ACOT12: variants seen among roughly 807,000 people sequenced by gnomAD.
ACOT12 encodes the protein acyl-CoA thioesterase 12, also known as acetyl-coenzyme A thioesterase.
A neutral mutation model predicts 67.7 loss-of-function variants in ACOT12; 51 were observed. The observed-to-expected ratio is 0.75, with a 90% CI of 0.60 to 0.95. ACOT12 has a LOEUF of 0.95. Among genes scored for constraint, ACOT12 ranks in the 40% least tolerant of loss-of-function variants. The pLI, the probability that ACOT12 is intolerant of heterozygous loss-of-function variation, is 0.00. For synonymous variants in ACOT12, 251 were observed against 244.6 expected (o/e 1.03, Z -0.24); for missense variants, 734 against 708.1 (o/e 1.04, Z -0.41).
At chr5:81,357,635 T>C (rs765811790) in intron 5 of ACOT12, among the ~76,000 whole-genome samples, 2 of 152,160 alleles carry the variant, frequency 1.3e-5, no homozygotes, top group Non-Finnish European at 2.9e-5. Flanking sequence ...TGAGATGTGA[T>C]TCAGACGAGG....
At chr5:81,330,973 A>G in intron 13 of ACOT12, 33 bp from the exon 14 acceptor site, 1 of 1,553,358 alleles carries the variant, frequency 6.4e-7, no homozygotes, top group Non-Finnish European at 8.7e-7. Flanking sequence ...CTCTTGTGAG[A>G]AATAAAGAAT....
chr5:81,378,054 CT>C (rs2153857653), intron 2 of ACOT12, among the ~76,000 whole-genome samples: 1 of 152,202 alleles, frequency 6.6e-6, no homozygotes, highest in East Asian at 1.9e-4. Context: ...AAGAATAAAG[CT>C]GGAGGCATCA....
intron 1 of ACOT12, among the ~76,000 whole-genome samples, chr5:81,387,247 T>C (rs928517959): frequency 1.6e-4 from 24 of 151,928 alleles, no homozygotes; most frequent in Non-Finnish European, 2.5e-4. Flanking sequence ...CCTCGTGATC[T>C]GCCTGCCTCA....
chr5:81,337,128 G>A (rs1431920965), intron 11 of ACOT12, among the ~76,000 whole-genome samples: 1 of 152,174 alleles, frequency 6.6e-6, no homozygotes, highest in Non-Finnish European at 1.5e-5. Flanking sequence ...GGAGTTGAAG[G>A]AGTTTCATTG....
At position 81,330,455 on chromosome 5, in the gene ACOT12, G is replaced by A. The variant is rs142957507; in HGVS notation, c.1607C>T (p.Ala536Val). The change falls in exon 15 of 15, where the codon GCA becomes GTA. Residue 536 changes from alanine (A) to valine (V), a missense_variant. Coordinates refer to ENST00000307624, the MANE Select transcript of ACOT12 (RefSeq NM_130767.3). ...CTCTAAGAACTGTATACAAGAGGCT[G>A]CTGTTTCTTCAATGGATTTTGACCA... is the stretch of plus-strand genomic sequence containing the variant. ...GGWSKSIEET[A>V]ASCIQFLENP... 4.5e-5 allele frequency: 72 copies of A among 1,614,126 alleles called. No individual in the cohort carries two copies. Among genetic ancestry groups the A allele is most frequent in the Non-Finnish European group, 2.5e-6 (3 of 1,179,994 alleles).
chr5:81,354,229 T>A (rs6881492), intron 5 of ACOT12, among the ~76,000 whole-genome samples: 62,589 of 152,036 alleles, frequency 0.41, 13,109 homozygotes, highest in Non-Finnish European at 0.43. Flanking sequence ...AAATTGAACT[T>A]TGAACTAGAC....
chr5:81,323,839 T>C, the ACOT12 span, among the ~76,000 whole-genome samples: 1 of 144,000 alleles, frequency 6.9e-6, no homozygotes, highest in East Asian at 1.9e-4. Context: ...TATATATGTA[T>C]ATGTATATGT....
the ACOT12 span, chr5:81,311,128 C>T: frequency 7.3e-7 from 1 of 1,373,894 alleles, no homozygotes; most frequent in Non-Finnish European, 1.0e-6. Context: ...TGTGAGGATC[C>T]AGTAAGATGT....
At position 81,344,212 on chromosome 5, in the gene ACOT12, C is replaced by A. The variant is rs780347487; in HGVS notation, c.928G>T (p.Asp310Tyr). 1 of 1,612,664 alleles carries A rather than the reference C, an allele frequency of 6.2e-7. No individual in the cohort carries two copies. Among genetic ancestry groups the A allele is most frequent in the Admixed American group, 1.7e-5 (1 of 59,830 alleles). ...ATAGCTCCCCGATAGCGTCTGAAATCATCCTTTAATCAAAAACAAAGTAAA... is the reference window on the plus strand; with the variant it reads ...ATAGCTCCCCGATAGCGTCTGAAATAATCCTTTAATCAAAAACAAAGTAAA... The part of the protein sequence containing the change: ...FPRIQPISKD[D>Y]FRRYRGAIAR... The change falls in exon 9 of 15, where the codon GAT becomes TAT. Residue 310 changes from aspartate to tyrosine, a missense_variant. Physicochemically the swap from Asp to Tyr is radical, Grantham distance 160. Transcript: ENST00000307624.
intron 5 of ACOT12, among the ~76,000 whole-genome samples, chr5:81,349,923 GAC>G (rs1759502246): frequency 6.6e-6 from 1 of 152,166 alleles, no homozygotes; most frequent in African/African-American, 2.4e-5. Context: ...AGAAGTATCA[GAC>G]ACTCAACTAT....
At chr5:81,324,278 G>C in the ACOT12 span, among the ~76,000 whole-genome samples, 1 of 152,100 alleles carries the variant, frequency 6.6e-6, no homozygotes, top group Non-Finnish European at 1.5e-5. Flanking sequence ...AGAAGATAGC[G>C]TTTTGGATTA....
At position 81,357,675 on chromosome 5, in the gene ACOT12, T is replaced by C. The variant is rs1277024135; in HGVS notation, c.496+2228A>G. Among the ~76,000 whole-genome samples the C allele has an allele frequency of 2.0e-5, 3 of 152,072 alleles. No homozygotes were observed. In the East Asian group the frequency reaches 5.8e-4, roughly 29 times the overall value. On this transcript the variant is annotated intron_variant, in intron 5 of 14. Coordinates refer to ENST00000307624, the MANE Select transcript of ACOT12 (RefSeq NM_130767.3). ...ACTTGGAGAGGATGAAAGCAGTTCT[T>C]GTAAGAATCTCTGGATAAACATGCA... is the stretch of plus-strand genomic sequence containing the variant.
chr5:81,326,669 G>C (rs1276296892), downstream of ACOT12, among the ~76,000 whole-genome samples: 1 of 152,202 alleles, frequency 6.6e-6, no homozygotes, highest in Non-Finnish European at 1.5e-5. Context: ...AACTTTTTGA[G>C]CAAGTAGCGA....
chr5:81,314,954 A>G, the ACOT12 span, among the ~76,000 whole-genome samples: 5 of 152,166 alleles, frequency 3.3e-5, no homozygotes, highest in African/African-American at 1.2e-4. Context: ...TGGGATTACA[A>G]TAGGCATGAG....
downstream of ACOT12, among the ~76,000 whole-genome samples, chr5:81,325,575 C>T (rs557659633): frequency 2.0e-4 from 31 of 152,152 alleles, no homozygotes; most frequent in African/African-American, 6.3e-4. Flanking sequence ...GCATGTAAAG[C>T]GGGAATGAGT....
At chr5:81,359,830 G>A in intron 5 of ACOT12, 73 bp downstream of exon 5, 5 of 1,460,342 alleles carry the variant, frequency 3.4e-6, no homozygotes, top group South Asian at 1.3e-5. Flanking sequence ...GTGAAAATAA[G>A]TGTGCTCTAA....
At chr5:81,388,861 G>A (rs1443406206) in intron 1 of ACOT12, among the ~76,000 whole-genome samples, 2 of 152,132 alleles carry the variant, frequency 1.3e-5, no homozygotes, top group African/African-American at 4.8e-5. Context: ...TAAGCCTCAC[G>A]AGATGTGATG....
downstream of ACOT12, among the ~76,000 whole-genome samples, chr5:81,326,238 C>G (rs992618021): frequency 6.7e-6 from 1 of 149,976 alleles, no homozygotes; most frequent in Non-Finnish European, 1.5e-5. Flanking sequence ...CATTCTCCTG[C>G]CTCAGCCTTG....
chr5:81,309,563 G>T, the ACOT12 span, among the ~76,000 whole-genome samples: 1 of 152,188 alleles, frequency 6.6e-6, no homozygotes, highest in African/African-American at 2.4e-5. Context: ...AAGCTTTAAG[G>T]CGGAGGTTGT....
Sources: gnomAD v4.1 joint callset for allele counts (sites outside exome capture counted in the v4.1 genomes callset) on GRCh38, gnomAD v4.1.1 for gene constraint, MANE v1.5 for transcripts, NCBI Gene and HGNC (gene_info 2026-07-23, HGNC 2026-07-21) for gene names.